Variants in ROBO1 observed in about 807,000 individuals in gnomAD.
The protein encoded by ROBO1 is roundabout homolog 1.
In ROBO1, 149 loss-of-function variants were observed where a neutral mutation model predicts 195.9. That is an observed-to-expected ratio of 0.76 (90% CI 0.67 to 0.87). The LOEUF (loss-of-function observed/expected upper bound fraction) is 0.87, where lower values mean the gene tolerates loss of function less well. ROBO1 is among the 40% of genes least tolerant of loss of function. The probability of loss-of-function intolerance (pLI) is 0.00; values close to 1 mark genes in which losing one functional copy is unlikely to be tolerated. For synonymous variants in ROBO1, 816 were observed against 733.2 expected, an observed-to-expected ratio of 1.11 and a Z score of -1.82; for missense variants, 1,933 against 2,068.3, an observed-to-expected ratio of 0.93 and a Z score of 1.27.
intron 1 of ROBO1, among the ~76,000 whole-genome samples, chr3:79,716,357 A>G (rs114157233): frequency 0.028 from 4,201 of 152,074 alleles, 187 homozygotes; most frequent in African/African-American, 0.095. Flanking sequence ...ATATTCTGGA[A>G]TAATTTGGGC....
rs397990255 is a variant in ROBO1 at position 78,645,462 on chromosome 3, A to AC, written c.2882+685dup. On this transcript the variant is annotated intron_variant, in intron 21 of 30. Coordinates refer to ENST00000464233, the MANE Select transcript of ROBO1 (RefSeq NM_002941.4). ...TGTTACTGTTTTGGAGAAAAAAAAA[A>AC]CATCTTATTGTGAAAAATTCTGAAG... is the stretch of plus-strand genomic sequence containing the variant. 2.6e-5 allele frequency among the ~76,000 whole-genome samples: 4 copies of AC among 150,990 alleles called. 1 individual carries two copies. The highest frequency in any genetic ancestry group is 2.1e-4 in the South Asian group (1 of 4,752).
At chr3:79,009,855 C>G (rs997284291) in intron 3 of ROBO1, among the ~76,000 whole-genome samples, 2 of 152,186 alleles carry the variant, frequency 1.3e-5, no homozygotes, top group African/African-American at 4.8e-5. Context: ...CAGTTCCTTA[C>G]AGAAGTTGGA....
At chr3:79,256,799 T>C (rs1454969386) in intron 2 of ROBO1, among the ~76,000 whole-genome samples, 2 of 152,126 alleles carry the variant, frequency 1.3e-5, no homozygotes, top group Non-Finnish European at 2.9e-5. Flanking sequence ...AATAGATATG[T>C]CCTATTTTTA....
chr3:79,634,865 A>G (rs1945450445), intron 1 of ROBO1, among the ~76,000 whole-genome samples: 1 of 152,160 alleles, frequency 6.6e-6, no homozygotes. Flanking sequence ...ATAAGCGAAT[A>G]GGAACATCAA....
intron 2 of ROBO1, among the ~76,000 whole-genome samples, chr3:79,359,080 T>C (rs2035669045): frequency 6.6e-6 from 1 of 152,092 alleles, no homozygotes; most frequent in African/African-American, 2.4e-5. Context: ...ATTACCTCTT[T>C]ATTTATCTAT....
rs367740862 is a variant in ROBO1, at chr3:79,137,333, G to A, written c.89-11794C>T. Among the ~76,000 whole-genome samples the A allele has an allele frequency of 3.0e-4, 45 of 152,058 alleles. 1 individual carries two copies. The Middle Eastern group carries it at 0.01, about 34-fold the overall frequency. On this transcript the variant is annotated intron_variant, in intron 2 of 30. Coordinates refer to ENST00000464233, the MANE Select transcript of ROBO1 (RefSeq NM_002941.4). ...TGGATAAGCTGAAATAATCTTAATG[G>A]AGAGTAGGTAATTTTAACCTGTGGC...
At chr3:79,492,432 A>C (rs1480875715) in intron 2 of ROBO1, among the ~76,000 whole-genome samples, 1 of 150,580 alleles carries the variant, frequency 6.6e-6, no homozygotes, top group Non-Finnish European at 1.5e-5. Context: ...TTTCAGAAAA[A>C]AAAAAAAAAA....
intron 9 of ROBO1, among the ~76,000 whole-genome samples, chr3:78,686,854 T>C (rs756873408): frequency 1.6e-4 from 25 of 152,162 alleles, no homozygotes; most frequent in Non-Finnish European, 3.2e-4. Flanking sequence ...CTGTTATGTA[T>C]TTTCTAAAAT....
At chr3:79,031,932 T>C (rs1216291945) in intron 3 of ROBO1, among the ~76,000 whole-genome samples, 1 of 151,964 alleles carries the variant, frequency 6.6e-6, no homozygotes, top group Non-Finnish European at 1.5e-5. Flanking sequence ...ATTTAGGGAG[T>C]TTGCAATTAA....
chr3:79,532,749 G>T (rs1941710002), intron 2 of ROBO1, among the ~76,000 whole-genome samples: 1 of 152,044 alleles, frequency 6.6e-6, no homozygotes. Context: ...AACAATCTAG[G>T]GATTCAGAGA....
intron 2 of ROBO1, among the ~76,000 whole-genome samples, chr3:79,247,718 C>A (rs2082650328): frequency 6.6e-6 from 1 of 152,044 alleles, no homozygotes; most frequent in African/African-American, 2.4e-5. Context: ...CGCTCACAGG[C>A]ACTTTGGAAC....
intron 4 of ROBO1, among the ~76,000 whole-genome samples, chr3:78,802,982 G>A (rs2084415456): frequency 6.6e-6 from 1 of 152,080 alleles, no homozygotes; most frequent in African/African-American, 2.4e-5. Flanking sequence ...ATAAGGGCTA[G>A]TTTCACTCCA....
intron 2 of ROBO1, among the ~76,000 whole-genome samples, chr3:79,443,929 GAC>G (rs929579151): frequency 6.7e-6 from 1 of 149,862 alleles, no homozygotes; most frequent in African/African-American, 2.5e-5. Flanking sequence ...TGAAGGAAAA[GAC>G]AGATTTTCCA....
intron 2 of ROBO1, among the ~76,000 whole-genome samples, chr3:79,175,339 T>A (rs992165057): frequency 6.6e-6 from 1 of 152,140 alleles, no homozygotes; most frequent in Non-Finnish European, 1.5e-5. Flanking sequence ...AGAAATGGGG[T>A]CTTACTGTGT....
intron 1 of ROBO1, among the ~76,000 whole-genome samples, chr3:79,638,235 A>G (rs1047210507): frequency 6.6e-6 from 1 of 152,178 alleles, no homozygotes; most frequent in Non-Finnish European, 1.5e-5. Flanking sequence ...AATATCCAGT[A>G]TCATATCAGA....
intron 3 of ROBO1, chr3:79,019,262 C>T (rs1389074093): frequency 2.0e-6 from 2 of 985,786 alleles, no homozygotes; most frequent in Non-Finnish European, 2.4e-6. Context: ...GCCCAAACTT[C>T]CTGGGGGCAG....
chr3:78,906,504 G>A (rs1287043421), intron 4 of ROBO1, among the ~76,000 whole-genome samples: 1 of 152,018 alleles, frequency 6.6e-6, no homozygotes, highest in African/African-American at 2.4e-5. Context: ...AAACTGAAGG[G>A]ATCCTTAAAA....
chr3:79,069,921 T>C (rs1224697897), intron 3 of ROBO1, among the ~76,000 whole-genome samples: 1 of 151,886 alleles, frequency 6.6e-6, no homozygotes, highest in Admixed American at 6.6e-5. Context: ...ATTATGTTTT[T>C]TCTTTCTTTT....
intron 2 of ROBO1, among the ~76,000 whole-genome samples, chr3:79,499,310 A>C (rs1939928156): frequency 6.6e-6 from 1 of 152,170 alleles, no homozygotes; most frequent in South Asian, 2.1e-4. Flanking sequence ...CCAGTCTTTA[A>C]AAACAATTTA....
Sources: gnomAD v4.1 joint callset for allele counts (sites outside exome capture counted in the v4.1 genomes callset) on GRCh38, gnomAD v4.1.1 for gene constraint, MANE v1.5 for transcripts, NCBI Gene and HGNC (gene_info 2026-07-23, HGNC 2026-07-21) for gene names.